The following ITIH3 variants were observed in gnomAD, a reference collection of about 807,000 sequenced individuals.
ITIH3 encodes inter-alpha-trypsin inhibitor heavy chain H3.
In ITIH3, 81 loss-of-function variants were observed where a neutral mutation model predicts 96.5. The ratio of observed to expected loss-of-function variants is 0.84; its 90% confidence interval spans 0.70 to 1.01. The LOEUF (loss-of-function observed/expected upper bound fraction) is 1.01. Ranked by LOEUF, ITIH3 falls within the 50% of genes least tolerant of loss-of-function variation. The pLI is 0.00. For missense variants in ITIH3, 1,057 were observed against 1,139.3 expected (o/e 0.93, Z 1.04); for synonymous variants, 422 against 445.2 (o/e 0.95, Z 0.66).
At position 52,806,375 on chromosome 3, in the gene ITIH3, A is replaced by G. The variant is rs1700048557; in HGVS notation, c.2025A>G (p.Thr675=). ...LCFNIDEAPG[T]VLRLIQDAVT... ...TCAACATCGATGAAGCCCCAGGCAC[A>G]GTGCTGCGCCTTATTCAGGATGCAG... Residue 675 remains threonine, a synonymous_variant, in exon 18 of 22, where the codon ACA becomes ACG. Coordinates refer to ENST00000449956, the MANE Select transcript of ITIH3 (RefSeq NM_002217.4). 6.2e-7 allele frequency: 1 copy of G among 1,613,884 alleles called. No homozygotes were observed. Among genetic ancestry groups the G allele is most frequent in the South Asian group, 1.1e-5 (1 of 91,056 alleles).
At chr3:52,796,700 C>A (rs200187958) in intron 3 of ITIH3, 39 bp from the exon 4 acceptor site, 5 of 1,606,090 alleles carry the variant, frequency 3.1e-6, no homozygotes, top group Non-Finnish European at 4.3e-6. Flanking sequence ...GGGTCTGGCC[C>A]AGTGTGATCT....
intron 6 of ITIH3, chr3:52,798,660 A>G (rs926882104): frequency 3.4e-5 from 13 of 385,710 alleles, no homozygotes; most frequent in African/African-American, 1.8e-4. Context: ...TGAGGCCAAG[A>G]AAAAGGGAGC....
In ITIH3 at chr3:52,807,917, G is replaced by A. The variant is rs1343029567; in HGVS notation, c.2431+1G>A. On this transcript the variant is annotated splice_donor_variant, in intron 20 of 21. Transcript: ENST00000449956. LOFTEE classifies it high-confidence loss of function. Reference sequence around the variant, plus strand: ...TCAGCACAGACGCATGGGCTGCTGGGTACGAAGTGTTCAGACTGCAGGCTG... The same window carrying A: ...TCAGCACAGACGCATGGGCTGCTGGATACGAAGTGTTCAGACTGCAGGCTG... 1 of 1,612,326 alleles carries A rather than the reference G, an allele frequency of 6.2e-7. No individual in the cohort carries two copies. Among genetic ancestry groups the A allele is most frequent in the Non-Finnish European group, 8.5e-7 (1 of 1,179,182 alleles).
Position 52,806,365 on chromosome 3 carries a change from C to A in ITIH3, c.2015C>A (p.Ala672Asp). 1.2e-6 allele frequency: 2 copies of A among 1,613,926 alleles called. No homozygotes were observed. Among genetic ancestry groups the A allele is most frequent in the Non-Finnish European group, 1.7e-6 (2 of 1,179,854 alleles). ...GCCCTCTGCTTCAACATCGATGAAG[C>A]CCCAGGCACAGTGCTGCGCCTTATT... is the stretch of plus-strand genomic sequence containing the variant. ...DDALCFNIDE[A>D]PGTVLRLIQD... Residue 672 changes from alanine to aspartate, a missense_variant, in exon 18 of 22, where the codon GCC (alanine) becomes GAC (aspartate). Ala to Asp is a moderately radical substitution (Grantham distance 126). Coordinates refer to ENST00000449956, the MANE Select transcript of ITIH3 (RefSeq NM_002217.4).
intron 2 of ITIH3, chr3:52,795,937 C>A (rs1699563645): frequency 2.6e-6 from 1 of 385,060 alleles, no homozygotes. Context: ...CACGAAGCAT[C>A]TTTATATCCC....
chr3:52,800,907 C>A, intron 10 of ITIH3, 58 bp from the exon 11 acceptor site: 6 of 1,598,728 alleles, frequency 3.8e-6, no homozygotes, highest in Non-Finnish European at 5.1e-6. Flanking sequence ...CCAGACAGAG[C>A]TGGTCTAGAC....
chr3:52,807,660 G>C (rs1700104109), intron 19 of ITIH3, 87 bp from the exon 20 acceptor site: 2 of 1,313,540 alleles, frequency 1.5e-6, no homozygotes, highest in Non-Finnish European at 2.1e-6. Flanking sequence ...CCATGTACAG[G>C]GGAGGCCCCA....
rs760314491 is a variant in ITIH3, at chr3:52,796,655, C to T, written c.281+8C>T. On this transcript the variant is annotated splice_region_variant and intron_variant, in intron 3 of 21. Coordinates refer to ENST00000449956, the MANE Select transcript of ITIH3 (RefSeq NM_002217.4). ...CATCACCAACTTCACCTTGTGGGTACCACCATGGCTGCTGGCTCTGGGCTC... is the reference window on the plus strand; with the variant it reads ...CATCACCAACTTCACCTTGTGGGTATCACCATGGCTGCTGGCTCTGGGCTC... The T allele has an allele frequency of 6.2e-7, 1 of 1,610,188 alleles. No homozygotes were observed. The highest frequency in any genetic ancestry group is 8.5e-7 in the Non-Finnish European group (1 of 1,177,170).
chr3:52,802,894 C>G, intron 13 of ITIH3, 88 bp downstream of exon 13: 3 of 1,481,908 alleles, frequency 2.0e-6, no homozygotes, highest in Non-Finnish European at 2.8e-6. Context: ...AGCGGTCCTG[C>G]CCTCTTCTTG....
At chr3:52,800,693 G>A (rs1208417882) in intron 10 of ITIH3, 30 bp downstream of exon 10, 4 of 1,594,106 alleles carry the variant, frequency 2.5e-6, no homozygotes, top group Non-Finnish European at 3.4e-6. Flanking sequence ...TTTTGAGCTA[G>A]GGCTGGAGTG....
chr3:52,796,413 G>A (rs1699581706), intron 2 of ITIH3, 68 bp from the exon 3 acceptor site: 8 of 1,433,858 alleles, frequency 5.6e-6, no homozygotes, highest in Middle Eastern at 2.5e-4. Context: ...TGCAAGGGAG[G>A]TGGCTGGGTT....
At chr3:52,797,316 A>T (rs1363702799) in intron 5 of ITIH3, 49 bp downstream of exon 5, 2 of 1,555,436 alleles carry the variant, frequency 1.3e-6, no homozygotes, top group Non-Finnish European at 1.7e-6. Context: ...GGGGTGCAGG[A>T]ACCCGCCCAT....
In ITIH3 at chr3:52,798,674, A is replaced by C. The variant is rs1699689644; in HGVS notation, c.664-292A>C. 1.9e-5 allele frequency: 8 copies of C among 422,532 alleles called. No homozygotes were observed. In the South Asian group the frequency reaches 2.7e-4, roughly 14 times the overall value. 26.2% of individuals were successfully genotyped at this position (422,532 alleles called of 1,614,324 possible). On this transcript the variant is annotated intron_variant, in intron 6 of 21. Transcript: ENST00000449956. Reference sequence around the variant, plus strand: ...GTGAGGCCAAGAAAAAGGGAGCTGGAAGCTGAATCAGCCAAGGCCTGTGCC... The same window carrying C: ...GTGAGGCCAAGAAAAAGGGAGCTGGCAGCTGAATCAGCCAAGGCCTGTGCC...
intron 3 of ITIH3, 39 bp from the exon 4 acceptor site, chr3:52,796,700 C>T: frequency 6.2e-7 from 1 of 1,606,208 alleles, no homozygotes; most frequent in South Asian, 1.1e-5. Context: ...GGGTCTGGCC[C>T]AGTGTGATCT....
chr3:52,807,431 A>T (rs1700098161), intron 19 of ITIH3, among the ~76,000 whole-genome samples: 1 of 152,188 alleles, frequency 6.6e-6, no homozygotes, highest in Non-Finnish European at 1.5e-5. Context: ...AGAGCCTCCC[A>T]CTGAGGCTCA....
In ITIH3 at chr3:52,794,916, G is replaced by T. The variant is rs1241416219; in HGVS notation, c.93+20G>T. On this transcript the variant is annotated intron_variant, in intron 1 of 21. Transcript: ENST00000449956. ...CTTGGGGTGAGTCTGCCCCCTCTTT[G>T]CCATCTGGGTCTTGGTGTGGAATGG... 7 of 1,595,708 alleles carry T rather than the reference G, an allele frequency of 4.4e-6. No individual in the cohort carries two copies. The highest frequency in any genetic ancestry group is 6.0e-6 in the Non-Finnish European group (7 of 1,163,636).
intron 19 of ITIH3, among the ~76,000 whole-genome samples, chr3:52,807,482 G>T (rs1045070536): frequency 1.3e-5 from 2 of 152,258 alleles, no homozygotes; most frequent in African/African-American, 4.8e-5. Flanking sequence ...CAGGAAGTCA[G>T]TGGCTTAGCT....
Position 52,795,618 on chromosome 3 carries a change from G to C in ITIH3, c.109G>C (p.Glu37Gln), listed in dbSNP as rs1699551485. 1 of 1,612,430 alleles carries C rather than the reference G, an allele frequency of 6.2e-7. No individual in the cohort carries two copies. Among genetic ancestry groups the C allele is most frequent in the Non-Finnish European group, 8.5e-7 (1 of 1,179,306 alleles). ...GTTTTTTCAGAAACGGAGCCTCCCG[G>C]AAGGGGTAAGAACTTTCACCAGGGG... Reference protein sequence around the residue: ...FRLLGKRSLPEGVANGIEVYS... With the variant: ...FRLLGKRSLPQGVANGIEVYS... Residue 37 changes from glutamate to glutamine, a missense_variant, in exon 2 of 22, where the codon GAA becomes CAA. Glu to Gln is a conservative substitution (Grantham distance 29, BLOSUM62 2). Transcript: ENST00000449956.
At chr3:52,797,412 T>C (rs757953061) in intron 5 of ITIH3, 145 bp downstream of exon 5, 36 of 904,700 alleles carry the variant, frequency 4.0e-5, no homozygotes, top group Non-Finnish European at 6.0e-5. Context: ...AGGAATTCAA[T>C]GGTTCTGGCC....
Sources: gnomAD v4.1 joint callset for allele counts (sites outside exome capture counted in the v4.1 genomes callset) on GRCh38, gnomAD v4.1.1 for gene constraint, MANE v1.5 for transcripts, NCBI Gene and HGNC (gene_info 2026-07-23, HGNC 2026-07-21) for gene names.